The following KRT73 variants were observed in gnomAD, a reference collection of about 807,000 sequenced individuals.
KRT73 encodes keratin, type II cytoskeletal 73.
A neutral mutation model predicts 47.2 loss-of-function variants in KRT73; 44 were observed. That is an observed-to-expected ratio of 0.93 (90% CI 0.73 to 1.20). The LOEUF is 1.20. KRT73 is among the 50% of genes most tolerant of loss of function. KRT73 has a pLI of 0.00. For missense variants in KRT73, 713 were observed against 704.5 expected, an observed-to-expected ratio of 1.01 and a Z score of -0.14; for synonymous variants, 285 against 291.3, an observed-to-expected ratio of 0.98 and a Z score of 0.22.
At chr12:52,629,210 C>T in the KRT73 span, among the ~76,000 whole-genome samples, 6 of 152,188 alleles carry the variant, frequency 3.9e-5, no homozygotes, top group Non-Finnish European at 8.8e-5. Context: ...TGCTTGACAC[C>T]ACAGCTGTGG....
chr12:52,608,119 A>G lies in KRT73; in HGVS notation c.*77T>C. 6.8e-7 allele frequency: 1 copy of G among 1,465,284 alleles called. No homozygotes were observed. Among genetic ancestry groups the G allele is most frequent in the Non-Finnish European group, 9.2e-7 (1 of 1,082,264 alleles). The allele number at this position is 1,465,284 out of a possible 1,614,324, so 90.8% of individuals were successfully genotyped here. A position where few individuals can be genotyped will look rare whatever the true frequency, so the allele number is the denominator to read the frequency against. On this transcript the variant is annotated 3_prime_UTR_variant, in exon 9 of 9. Transcript: ENST00000305748. Reference sequence around the variant, plus strand: ...AGAAGGAGATGAGGACAAATGAGACAGAGGAATTTCCTAGAAGAGTCCGGA... The same window carrying G: ...AGAAGGAGATGAGGACAAATGAGACGGAGGAATTTCCTAGAAGAGTCCGGA...
intron 1 of KRT73, among the ~76,000 whole-genome samples, chr12:52,617,161 A>G (rs1364089819): frequency 6.6e-6 from 1 of 151,996 alleles, no homozygotes; most frequent in Non-Finnish European, 1.5e-5. Flanking sequence ...CTGTCTCCCT[A>G]GATTGCCTTT....
chr12:52,612,565 T>G (rs1306690055), intron 5 of KRT73: 1 of 152,202 alleles, frequency 6.6e-6, no homozygotes, highest in Non-Finnish European at 1.5e-5. Flanking sequence ...GTGCCAACCC[T>G]AAACAAGGGG....
chr12:52,608,543 A>G, intron 8 of KRT73, 91 bp from the exon 9 acceptor site: 5 of 1,147,052 alleles, frequency 4.4e-6, no homozygotes, highest in Non-Finnish European at 6.0e-6. Context: ...CCACTAGCTT[A>G]AATACCTCCT....
At chr12:52,617,955 T>A in intron 1 of KRT73, 123 bp downstream of exon 1, 5 of 1,123,292 alleles carry the variant, frequency 4.5e-6, no homozygotes, top group Non-Finnish European at 6.4e-6. Context: ...ACCTGGTGTC[T>A]GATTTTGCTG....
chr12:52,614,600 G>T lies in KRT73; in HGVS notation c.798C>A (p.Phe266Leu), dbSNP rs561940909. The T allele has an allele frequency of 1.2e-6, 2 of 1,613,976 alleles. No homozygotes were observed. Among genetic ancestry groups the T allele is most frequent in the East Asian group, 2.2e-5 (1 of 44,876 alleles). The change falls in exon 4 of 9, where the codon TTC becomes TTA. Residue 266 changes from phenylalanine (F) to leucine (L), a missense_variant. Coordinates refer to ENST00000305748, the MANE Select transcript of KRT73 (RefSeq NM_175068.3). The stretch of plus-strand genomic sequence containing the variant: ...TTACCCCCTCGTACAGACACTTGAA[G>T]AACTTGATTTCTCCATCCAGGGCAT... ...KVDALDGEIK[F>L]FKCLYEGETA...
At chr12:52,611,817 C>G (rs1490608051) in intron 5 of KRT73, among the ~76,000 whole-genome samples, 1 of 152,144 alleles carries the variant, frequency 6.6e-6, no homozygotes, top group South Asian at 2.1e-4. Context: ...AACCCTCCCC[C>G]ATCCATCCTC....
chr12:52,629,566 G>T, the KRT73 span, among the ~76,000 whole-genome samples: 1 of 152,208 alleles, frequency 6.6e-6, no homozygotes, highest in Non-Finnish European at 1.5e-5. Context: ...GGCCCCAGCT[G>T]CCTGGCCAAA....
rs780743467 is a variant in KRT73, at chr12:52,608,430, G to A, written c.1389C>T (p.Ala463=). Residue 463 remains alanine, a synonymous_variant, in exon 9 of 9, where the codon GCC becomes GCT. Coordinates refer to ENST00000305748, the MANE Select transcript of KRT73 (RefSeq NM_175068.3). ...VSISVINSSM[A]GMAGTGAGFG... is the part of the protein sequence containing the mutation. ...AGCCAGCCCCTGTGCCTGCCATCCC[G>A]GCCATGGAGCTGTTGATGACCGCTG... The A allele has an allele frequency of 2.4e-5, 39 of 1,610,812 alleles. No homozygotes were observed. The highest frequency in any genetic ancestry group is 9.9e-5 in the South Asian group (9 of 90,764).
At chr12:52,622,144 C>T (rs138421113), upstream of KRT73, among the ~76,000 whole-genome samples, 209 of 151,996 alleles carry the variant, frequency 1.4e-3, 1 homozygote, top group East Asian at 7.9e-3. Context: ...AAAAAAAAGA[C>T]GATTGATAGA....
At chr12:52,622,992 A>G (rs1940926523), upstream of KRT73, among the ~76,000 whole-genome samples, 1 of 152,160 alleles carries the variant, frequency 6.6e-6, no homozygotes, top group African/African-American at 2.4e-5. Context: ...GATCAGGGAG[A>G]CTCTAACAAA....
At chr12:52,616,765 C>T (rs1314175546) in intron 1 of KRT73, among the ~76,000 whole-genome samples, 1 of 152,150 alleles carries the variant, frequency 6.6e-6, no homozygotes, top group Middle Eastern at 3.2e-3. Context: ...ACTGTCAGGC[C>T]TTCTGCTCGG....
the KRT73 span, among the ~76,000 whole-genome samples, chr12:52,630,751 T>A: frequency 1.3e-5 from 2 of 152,162 alleles, no homozygotes; most frequent in Admixed American, 6.5e-5. Context: ...CTCATCGACC[T>A]CCATCTAAAT....
chr12:52,628,326 G>A, the KRT73 span, among the ~76,000 whole-genome samples: 2 of 152,088 alleles, frequency 1.3e-5, no homozygotes, highest in Non-Finnish European at 2.9e-5. Context: ...AATCCACCTG[G>A]CTTTCTCAGG....
chr12:52,614,786 T>C, intron 3 of KRT73, 112 bp from the exon 4 acceptor site: 5 of 808,430 alleles, frequency 6.2e-6, no homozygotes, highest in Non-Finnish European at 9.7e-6. Context: ...GGACTTCAGA[T>C]CCAAGGGGCA....
chr12:52,617,283 C>T (rs1565630961), intron 1 of KRT73, among the ~76,000 whole-genome samples: 1 of 152,194 alleles, frequency 6.6e-6, no homozygotes, highest in African/African-American at 2.4e-5. Flanking sequence ...CTTCCCAATA[C>T]CTTCCTACCA....
chr12:52,611,649 C>G (rs1366674711), intron 5 of KRT73, among the ~76,000 whole-genome samples: 2 of 152,276 alleles, frequency 1.3e-5, no homozygotes, highest in Admixed American at 1.3e-4. Context: ...AGGTCAAATT[C>G]AAACTCTTAC....
In KRT73 at chr12:52,618,220, C is replaced by T. The variant is rs907197293; in HGVS notation, c.305G>A (p.Gly102Glu). Residue 102 changes from glycine to glutamate, a missense_variant, in exon 1 of 9, where the codon GGG (glycine) becomes GAG (glutamate). Coordinates refer to ENST00000305748, the MANE Select transcript of KRT73 (RefSeq NM_175068.3). The stretch of plus-strand genomic sequence containing the variant: ...GTTGATGGTGACCTGATGGATACCC[C>T]CGGGCGGGCACAACGACGGACACAC... ...GSVCPSLCPPGGIHQVTINKS... is the reference protein window; with the variant it reads ...GSVCPSLCPPEGIHQVTINKS... The T allele has an allele frequency of 1.2e-6, 2 of 1,614,008 alleles. No individual in the cohort carries two copies. The highest frequency in any genetic ancestry group is 1.6e-4 in the Middle Eastern group (1 of 6,084).
upstream of KRT73, among the ~76,000 whole-genome samples, chr12:52,622,925 A>T (rs1360437093): frequency 1.3e-5 from 2 of 152,222 alleles, no homozygotes; most frequent in East Asian, 3.8e-4. Context: ...ACCCAATCTG[A>T]ATAATAAAGA....
Sources: gnomAD v4.1 joint callset for allele counts (sites outside exome capture counted in the v4.1 genomes callset) on GRCh38, gnomAD v4.1.1 for gene constraint, MANE v1.5 for transcripts, NCBI Gene and HGNC (gene_info 2026-07-23, HGNC 2026-07-21) for gene names.